The following ANXA8 variants were observed in gnomAD, a reference collection of about 807,000 sequenced individuals.
ANXA8 encodes the protein annexin A8.
ANXA8 carries 9 observed loss-of-function variants against 26.8 expected under a neutral mutation model. That is an observed-to-expected ratio of 0.34 (90% CI 0.20 to 0.59). The LOEUF is 0.59. Among genes scored for constraint, ANXA8 ranks in the 20% least tolerant of loss-of-function variants. The pLI is 0.84. For missense variants in ANXA8, 83 were observed against 238.5 expected, an observed-to-expected ratio of 0.35 and a Z score of 4.29; for synonymous variants, 39 against 94.8, an observed-to-expected ratio of 0.41 and a Z score of 3.42.
chr10:47,686,016 T>TG, the ANXA8 span, among the ~76,000 whole-genome samples: 1 of 150,222 alleles, frequency 6.7e-6, no homozygotes, highest in Non-Finnish European at 1.5e-5. Flanking sequence ...GGCCCTATTT[T>TG]GGGGTGGGGA....
chr10:47,702,343 C>CTTTTT, the ANXA8 span, among the ~76,000 whole-genome samples: 5 of 140,124 alleles, frequency 3.6e-5, no homozygotes, highest in African/African-American at 7.9e-5. Context: ...CTTTTCTTTT[C>CTTTTT]TTTTTTTTTT....
At chr10:47,762,169 C>T in the ANXA8 span, among the ~76,000 whole-genome samples, 1 of 150,998 alleles carries the variant, frequency 6.6e-6, no homozygotes, top group African/African-American at 2.4e-5. Context: ...CCCTAGCCCT[C>T]TATCAAGGTG....
At chr10:47,570,963 T>C in the ANXA8 span, among the ~76,000 whole-genome samples, 3 of 150,802 alleles carry the variant, frequency 2.0e-5, no homozygotes, top group East Asian at 5.8e-4. Flanking sequence ...CCAGCACTAC[T>C]GTGAATTTGT....
the ANXA8 span, among the ~76,000 whole-genome samples, chr10:47,619,934 A>G: frequency 8.9e-6 from 1 of 111,942 alleles, no homozygotes; most frequent in Non-Finnish European, 2.0e-5. Context: ...AAGGAAATTC[A>G]TAGCATATTT....
the ANXA8 span, among the ~76,000 whole-genome samples, chr10:47,607,835 T>C: frequency 2.9e-3 from 298 of 104,378 alleles, no homozygotes; most frequent in Non-Finnish European, 3.7e-3. Flanking sequence ...AAGGTGGATG[T>C]CCTTAAGAGA....
At chr10:47,546,370 TAAGAAAATATAAGCAG>T in the ANXA8 span, among the ~76,000 whole-genome samples, 68 of 123,460 alleles carry the variant, frequency 5.5e-4, no homozygotes, top group Non-Finnish European at 1.1e-3. Flanking sequence ...TGGTAGTCTA[TAAGAAAATATAAGCAG>T]ATAAGACCAA....
At chr10:47,672,071 A>T in the ANXA8 span, among the ~76,000 whole-genome samples, 1 of 151,022 alleles carries the variant, frequency 6.6e-6, no homozygotes, top group African/African-American at 2.4e-5. Context: ...CCTTTCTATT[A>T]TGTTTAATCA....
At chr10:47,600,367 C>T in the ANXA8 span, among the ~76,000 whole-genome samples, 1 of 149,806 alleles carries the variant, frequency 6.7e-6, no homozygotes, top group Non-Finnish European at 1.5e-5. Context: ...AGCCACGTGG[C>T]CCCACCCCGG....
At chr10:47,630,433 C>G in the ANXA8 span, among the ~76,000 whole-genome samples, 1 of 149,490 alleles carries the variant, frequency 6.7e-6, no homozygotes, top group Non-Finnish European at 1.5e-5. Context: ...GGTTAAACTC[C>G]AAGAAGACAA....
the ANXA8 span, among the ~76,000 whole-genome samples, chr10:47,970,889 C>G: frequency 6.6e-6 from 1 of 151,398 alleles, no homozygotes; most frequent in East Asian, 1.9e-4. Flanking sequence ...ACACCAGAGG[C>G]AAGGGATCTG....
At chr10:47,627,354 A>G in the ANXA8 span, among the ~76,000 whole-genome samples, 3 of 150,200 alleles carry the variant, frequency 2.0e-5, no homozygotes, top group Non-Finnish European at 4.4e-5. Context: ...GTGTCTGTAG[A>G]CTACATCTCC....
chr10:47,646,692 C>T, the ANXA8 span, among the ~76,000 whole-genome samples: 2 of 151,650 alleles, frequency 1.3e-5, no homozygotes, highest in Non-Finnish European at 2.9e-5. Context: ...TGTAACCAAC[C>T]AAGCACATTT....
At chr10:47,702,458 A>C in the ANXA8 span, among the ~76,000 whole-genome samples, 4 of 150,180 alleles carry the variant, frequency 2.7e-5, no homozygotes, top group Admixed American at 2.0e-4. Context: ...CTCCTGCTTC[A>C]GCCTCCCAAG....
At chr10:47,644,964 A>G in the ANXA8 span, among the ~76,000 whole-genome samples, 3 of 151,992 alleles carry the variant, frequency 2.0e-5, no homozygotes, top group East Asian at 5.8e-4. Flanking sequence ...CTTCTTGTCC[A>G]CAAGAATATA....
chr10:47,674,466 A>G, the ANXA8 span, among the ~76,000 whole-genome samples: 4 of 151,692 alleles, frequency 2.6e-5, no homozygotes, highest in African/African-American at 4.9e-5. Context: ...AAGGGGATAT[A>G]CTGTCAATAT....
chr10:47,948,031 T>C, the ANXA8 span, among the ~76,000 whole-genome samples: 2 of 150,610 alleles, frequency 1.3e-5, no homozygotes, highest in African/African-American at 4.9e-5. Flanking sequence ...CCCAGAAAAG[T>C]CATGTCTTGG....
At chr10:47,947,729 G>C in the ANXA8 span, among the ~76,000 whole-genome samples, 1 of 150,582 alleles carries the variant, frequency 6.6e-6, no homozygotes, top group Admixed American at 6.6e-5. Flanking sequence ...TTCCTGTACA[G>C]CCTGTGGAAC....
At chr10:47,533,218 C>T in the ANXA8 span, among the ~76,000 whole-genome samples, 2,366 of 110,998 alleles carry the variant, frequency 0.021, 13 homozygotes, top group Non-Finnish European at 0.024. Context: ...CACACACACA[C>T]ACACACCCCC....
At chr10:47,488,508 G>T (rs1196121691), upstream of ANXA8, among the ~76,000 whole-genome samples, 1 of 151,024 alleles carries the variant, frequency 6.6e-6, no homozygotes, top group African/African-American at 2.5e-5. Context: ...ACTGCACCTG[G>T]CCTATGGTAT....
Sources: gnomAD v4.1 joint callset for allele counts (sites outside exome capture counted in the v4.1 genomes callset) on GRCh38, gnomAD v4.1.1 for gene constraint, MANE v1.5 for transcripts, NCBI Gene and HGNC (gene_info 2026-07-23, HGNC 2026-07-21) for gene names.